Variants in SEC14L1 observed in about 807,000 individuals in gnomAD.
SEC14L1 encodes the protein SEC14-like protein 1.
SEC14L1 carries 48 observed loss-of-function variants against 85.3 expected under a neutral mutation model. The ratio of observed to expected loss-of-function variants is 0.56; its 90% CI spans 0.45 to 0.72. SEC14L1 has a LOEUF of 0.72. SEC14L1 is among the 30% of genes least tolerant of loss of function. The probability of loss-of-function intolerance (pLI) is 0.00; values close to 1 mark genes in which losing one functional copy is unlikely to be tolerated. For synonymous variants in SEC14L1, 391 were observed against 355.5 expected (o/e 1.10, Z -1.12); for missense variants, 682 against 921.4 (o/e 0.74, Z 3.36).
chr17:77,114,870 C>CACACTTGAA (rs1972135693), intron 3 of SEC14L1, among the ~76,000 whole-genome samples: 1 of 148,462 alleles, frequency 6.7e-6, no homozygotes, highest in Non-Finnish European at 1.5e-5. Flanking sequence ...GAGGCAGGCA[C>CACACTTGAA]ACACTTGAAA....
chr17:77,135,727 A>C (rs903810392), intron 3 of SEC14L1, among the ~76,000 whole-genome samples: 3 of 151,808 alleles, frequency 2.0e-5, no homozygotes, highest in Admixed American at 1.3e-4. Flanking sequence ...GTTTGTAGAG[A>C]TAGGGGTCTT....
At chr17:77,189,188 T>A (rs1975406057) in intron 3 of SEC14L1, among the ~76,000 whole-genome samples, 1 of 152,174 alleles carries the variant, frequency 6.6e-6, no homozygotes. Context: ...AGTGTTCTCA[T>A]GAGCTGAGCA....
intron 3 of SEC14L1, among the ~76,000 whole-genome samples, chr17:77,101,914 T>C (rs988042722): frequency 1.3e-5 from 2 of 152,218 alleles, no homozygotes; most frequent in Admixed American, 1.3e-4. Flanking sequence ...TTGTAGTTTA[T>C]TCACCAGGGT....
intron 3 of SEC14L1, among the ~76,000 whole-genome samples, chr17:77,146,242 C>T (rs943108763): frequency 5.3e-5 from 8 of 152,204 alleles, no homozygotes; most frequent in African/African-American, 1.4e-4. Context: ...TGGCTGCCCA[C>T]GGCCCGGGGT....
intron 8 of SEC14L1, among the ~76,000 whole-genome samples, chr17:77,197,759 C>CA (rs1418643111): frequency 6.6e-6 from 1 of 152,116 alleles, no homozygotes; most frequent in Non-Finnish European, 1.5e-5. Context: ...GCTCTGCCAC[C>CA]ATTGCTGGCT....
chr17:77,194,768 C>T lies in SEC14L1; in HGVS notation c.566C>T (p.Ser189Phe). ...TGGAGTCCGCCTTCCATCACGACCT[C>T]TTCAGAGACATCTTCATCATCCTCC... ...PRWSPPSITT[S>F]SETSSSSSKK... The change falls in exon 7 of 17, where the codon TCT becomes TTT. Residue 189 changes from serine to phenylalanine, a missense_variant. Physicochemically the swap from Ser to Phe is radical, Grantham distance 155. This residue lies in a region of SEC14L1 where 123 missense variants were observed against 100.6 expected (regional missense o/e 1.22). Transcript: ENST00000436233. The T allele has an allele frequency of 6.2e-7, 1 of 1,614,236 alleles. No homozygotes were observed. Among genetic ancestry groups the T allele is most frequent in the Non-Finnish European group, 8.5e-7 (1 of 1,180,040 alleles).
intron 3 of SEC14L1, among the ~76,000 whole-genome samples, chr17:77,126,080 G>A (rs1361697861): frequency 6.6e-6 from 1 of 152,230 alleles, no homozygotes; most frequent in Non-Finnish European, 1.5e-5. Flanking sequence ...GAACCCAGGA[G>A]GTAAAGGTTG....
intron 6 of SEC14L1, among the ~76,000 whole-genome samples, chr17:77,194,280 C>T (rs76020886): frequency 0.01 from 1,590 of 152,196 alleles, 29 homozygotes; most frequent in African/African-American, 0.036. Context: ...AGGGACTGGG[C>T]GCACTGGCTC....
At chr17:77,110,188 T>A (rs1437120113) in intron 3 of SEC14L1, among the ~76,000 whole-genome samples, 1 of 152,208 alleles carries the variant, frequency 6.6e-6, no homozygotes, top group African/African-American at 2.4e-5. Context: ...GAAAGGTGAC[T>A]TTTCTGCTCG....
At chr17:77,119,939 C>G (rs756315853) in intron 3 of SEC14L1, among the ~76,000 whole-genome samples, 1 of 152,192 alleles carries the variant, frequency 6.6e-6, no homozygotes, top group Non-Finnish European at 1.5e-5. Context: ...TGGGACATTC[C>G]CCAGGCTGCC....
intron 3 of SEC14L1, among the ~76,000 whole-genome samples, chr17:77,148,203 G>A (rs1406471707): frequency 6.6e-6 from 1 of 152,202 alleles, no homozygotes; most frequent in Non-Finnish European, 1.5e-5. Flanking sequence ...GCCACCTAGT[G>A]TAGGAGGGCA....
intron 3 of SEC14L1, among the ~76,000 whole-genome samples, chr17:77,156,031 T>G (rs986498338): frequency 1.3e-5 from 2 of 152,186 alleles, no homozygotes; most frequent in Non-Finnish European, 2.9e-5. Flanking sequence ...TCTTGCTGTT[T>G]CCTAGGTATA....
chr17:77,179,010 AC>A (rs955235783), intron 3 of SEC14L1, among the ~76,000 whole-genome samples: 2 of 152,234 alleles, frequency 1.3e-5, no homozygotes, highest in Non-Finnish European at 2.9e-5. Flanking sequence ...CTAAGAGAAA[AC>A]GTGGAATTTG....
At chr17:77,205,053 C>T (rs1172521541) in intron 10 of SEC14L1, among the ~76,000 whole-genome samples, 1 of 152,182 alleles carries the variant, frequency 6.6e-6, no homozygotes, top group Non-Finnish European at 1.5e-5. Flanking sequence ...TAGCCGTTAC[C>T]TTTGCCACAC....
intron 3 of SEC14L1, among the ~76,000 whole-genome samples, chr17:77,095,264 G>T (rs1408876195): frequency 6.6e-6 from 1 of 152,184 alleles, no homozygotes; most frequent in Non-Finnish European, 1.5e-5. Flanking sequence ...TTATCACCCC[G>T]AGGAGAGTGC....
intron 3 of SEC14L1, chr17:77,145,089 GTGTGTATGTA>G (rs1354456990): frequency 3.4e-5 from 2 of 58,262 alleles, no homozygotes; most frequent in South Asian, 8.1e-4. Context: ...GTGTGTGTGT[GTGTGTATGTA>G]TGTGTGTGTG....
chr17:77,110,613 G>A (rs1454867003), intron 3 of SEC14L1, among the ~76,000 whole-genome samples: 1 of 151,860 alleles, frequency 6.6e-6, no homozygotes, highest in African/African-American at 2.4e-5. Flanking sequence ...GGGCGCGGTG[G>A]CTCATGCCTA....
chr17:77,158,300 GT>G (rs1973899123), intron 3 of SEC14L1, among the ~76,000 whole-genome samples: 1 of 152,098 alleles, frequency 6.6e-6, no homozygotes, highest in South Asian at 2.1e-4. Context: ...TCGAAGCTCT[GT>G]CCCCATGAAA....
intron 3 of SEC14L1, chr17:77,094,918 G>C (rs562470576): frequency 7.9e-5 from 12 of 152,022 alleles, no homozygotes; most frequent in African/African-American, 2.9e-4. Flanking sequence ...ATTGTGTTAA[G>C]ATGTGATATA....
Sources: allele counts gnomAD v4.1 joint callset (sites outside exome capture counted in the v4.1 genomes callset), GRCh38; gene constraint gnomAD v4.1.1; regional missense constraint gnomAD v4.1.1; transcripts MANE v1.5; gene names NCBI Gene and HGNC (gene_info 2026-07-23, HGNC 2026-07-21).